LITAF: variants seen among roughly 807,000 people sequenced by gnomAD.
LITAF encodes lipopolysaccharide induced TNF factor.
In LITAF, 9 loss-of-function variants were observed where a neutral mutation model predicts 14.5. The observed-to-expected ratio is 0.62, with a 90% CI of 0.37 to 1.08. LITAF has a LOEUF of 1.08. Ranked by LOEUF, LITAF falls within the 50% of genes least tolerant of loss-of-function variation. The pLI, the probability that LITAF is intolerant of heterozygous loss-of-function variation, is 0.01. For missense variants in LITAF, 206 were observed against 213.4 expected, an observed-to-expected ratio of 0.97 and a Z score of 0.22; for synonymous variants, 98 against 88.2, an observed-to-expected ratio of 1.11 and a Z score of -0.62.
At chr16:11,601,209 C>A (rs1043362639), upstream of LITAF, among the ~76,000 whole-genome samples, 1 of 151,982 alleles carries the variant, frequency 6.6e-6, no homozygotes, top group East Asian at 1.9e-4. Flanking sequence ...GCCTTAATGT[C>A]TGGAGGGTTT....
upstream of LITAF, among the ~76,000 whole-genome samples, chr16:11,601,814 C>A (rs1043002530): frequency 2.0e-5 from 3 of 152,200 alleles, no homozygotes; most frequent in African/African-American, 7.2e-5. Context: ...CCTGCCTAGG[C>A]CTCCCATGTT....
chr16:11,618,045 A>T (rs192258385), intron 3 of LITAF, among the ~76,000 whole-genome samples: 3 of 151,882 alleles, frequency 2.0e-5, no homozygotes, highest in South Asian at 2.1e-4. Context: ...TTCCAAAAAA[A>T]TTTTTTTGTT....
chr16:11,583,220 G>A (rs1463083690), intron 1 of LITAF, among the ~76,000 whole-genome samples: 1 of 152,210 alleles, frequency 6.6e-6, no homozygotes, highest in Non-Finnish European at 1.5e-5. Context: ...CTGCAGGGCG[G>A]TATGTCCCAC....
At chr16:11,630,193 C>T (rs1398734444) in intron 3 of LITAF, among the ~76,000 whole-genome samples, 1 of 152,134 alleles carries the variant, frequency 6.6e-6, no homozygotes, top group African/African-American at 2.4e-5. Context: ...GGAGTCCTGG[C>T]TTCCCCAACT....
intron 3 of LITAF, among the ~76,000 whole-genome samples, chr16:11,611,975 G>A (rs549254942): frequency 1.3e-5 from 2 of 152,224 alleles, no homozygotes; most frequent in East Asian, 1.9e-4. Context: ...CTCCCATTTC[G>A]ACTGTTGTGG....
At chr16:11,576,564 GAA>G (rs1368066211) in intron 1 of LITAF, among the ~76,000 whole-genome samples, 168 of 129,864 alleles carry the variant, frequency 1.3e-3, no homozygotes, top group Admixed American at 2.9e-3. Context: ...AAGAGAGAGA[GAA>G]AGAGAAAAAG....
intron 3 of LITAF, among the ~76,000 whole-genome samples, chr16:11,622,456 G>A (rs555170348): frequency 5.9e-5 from 9 of 152,286 alleles, no homozygotes; most frequent in Middle Eastern, 6.8e-3. Flanking sequence ...CAGCAATCAC[G>A]GGAGAGCCAC....
At chr16:11,564,987 A>C (rs930301097) in intron 1 of LITAF, among the ~76,000 whole-genome samples, 9 of 148,740 alleles carry the variant, frequency 6.1e-5, no homozygotes, top group Non-Finnish European at 1.3e-4. Context: ...CTACGAACTT[A>C]CTAAATGCAC....
At chr16:11,594,983 C>G (rs1479611740) in intron 1 of LITAF, among the ~76,000 whole-genome samples, 1 of 152,076 alleles carries the variant, frequency 6.6e-6, no homozygotes, top group East Asian at 1.9e-4. Flanking sequence ...ATTTTTCGTC[C>G]TTTTGCTACT....
At position 11,619,323 on chromosome 16, in the gene LITAF, C is replaced by A. The variant is rs879785073; in HGVS notation, c.85+14210G>T. 2.9e-3 allele frequency among the ~76,000 whole-genome samples: 393 copies of A among 136,030 alleles called. 2 individuals are homozygous for A. Among genetic ancestry groups the A allele is most frequent in the Admixed American group, 5.1e-3 (69 of 13,506 alleles). 89.2% of individuals were successfully genotyped at this position (136,030 alleles called of 152,430 possible). A position where few individuals can be genotyped will look rare whatever the true frequency, so the allele number is the denominator to read the frequency against. Reference sequence around the variant, plus strand: ...AAGACTTCGTCTCAAAAACAAAAAACAAAAAAAAAAACCCCAGCACTGCTG... The same window carrying A: ...AAGACTTCGTCTCAAAAACAAAAAAAAAAAAAAAAAACCCCAGCACTGCTG... On this transcript the variant is annotated intron_variant, in intron 3 of 3. Coordinates refer to the LITAF transcript ENST00000574848.
At chr16:11,583,201 A>G (rs2064764716) in intron 1 of LITAF, among the ~76,000 whole-genome samples, 2 of 152,250 alleles carry the variant, frequency 1.3e-5, no homozygotes, top group African/African-American at 4.8e-5. Flanking sequence ...TTCTGAGTTC[A>G]GGCTGTTTCT....
At chr16:11,638,052 A>C (rs796680623), upstream of LITAF, among the ~76,000 whole-genome samples, 124 of 100,986 alleles carry the variant, frequency 1.2e-3, 34 homozygotes, top group African/African-American at 6.1e-3. Flanking sequence ...CTATATATAT[A>C]TCTATATATA....
intron 2 of LITAF, among the ~76,000 whole-genome samples, chr16:11,554,011 G>C (rs757534107): frequency 6.6e-6 from 1 of 152,010 alleles, no homozygotes; most frequent in Non-Finnish European, 1.5e-5. Flanking sequence ...TGGGAGGACT[G>C]CTTGAGCCTA....
chr16:11,614,238 C>A (rs2065002766), intron 3 of LITAF, among the ~76,000 whole-genome samples: 1 of 151,920 alleles, frequency 6.6e-6, no homozygotes, highest in Non-Finnish European at 1.5e-5. Context: ...CGGGCTGGTC[C>A]TTCTGGAGGC....
chr16:11,558,997 C>G lies in LITAF; in HGVS notation c.-5-2262G>C, dbSNP rs985774901. Among the ~76,000 whole-genome samples, 1 of 152,122 alleles carries G rather than the reference C, an allele frequency of 6.6e-6. No homozygotes were observed. Among genetic ancestry groups the G allele is most frequent in the Non-Finnish European group, 1.5e-5 (1 of 68,014 alleles). ...GCACGGGGGCTCATGACTGCAATCC[C>G]AGCACTTTGGGAGGTCGAGGCAGTG... is the stretch of plus-strand genomic sequence containing the variant. On this transcript the variant is annotated intron_variant, in intron 1 of 3. Transcript: ENST00000622633. The surrounding 1 kb of genome is among the most constrained non-coding windows in gnomAD (Gnocchi z 4.1).
upstream of LITAF, among the ~76,000 whole-genome samples, chr16:11,637,936 ATC>A (rs1387056574): frequency 2.2e-5 from 2 of 89,772 alleles, no homozygotes; most frequent in Admixed American, 1.1e-4. Flanking sequence ...CTATATCTAT[ATC>A]TATATATCTA....
chr16:11,577,185 T>C (rs754572263), intron 1 of LITAF, among the ~76,000 whole-genome samples: 1 of 152,200 alleles, frequency 6.6e-6, no homozygotes, highest in Non-Finnish European at 1.5e-5. Flanking sequence ...GTGATCTATA[T>C]TTCCCCACGA....
intron 3 of LITAF, among the ~76,000 whole-genome samples, chr16:11,550,417 T>A (rs1216151199): frequency 1.3e-5 from 2 of 152,148 alleles, no homozygotes; most frequent in African/African-American, 4.8e-5. Context: ...TTTGCACTTC[T>A]GGCCTCTAGA....
At chr16:11,577,101 C>A (rs1243123259) in intron 1 of LITAF, among the ~76,000 whole-genome samples, 1 of 152,174 alleles carries the variant, frequency 6.6e-6, no homozygotes, top group Non-Finnish European at 1.5e-5. Flanking sequence ...TTCCTGTCTG[C>A]AAGTTAGCTT....
Sources: allele counts gnomAD v4.1 joint callset (sites outside exome capture counted in the v4.1 genomes callset), GRCh38; gene constraint gnomAD v4.1.1; non-coding constraint Gnocchi (gnomAD v3.1); transcripts MANE v1.5; gene names NCBI Gene and HGNC (gene_info 2026-07-23, HGNC 2026-07-21).